Variants in CDH18 observed in about 807,000 individuals in gnomAD.
CDH18 encodes cadherin 18, also known as cadherin-18.
CDH18 carries 31 observed loss-of-function variants against 67.9 expected under a neutral mutation model. That is an observed-to-expected ratio of 0.46 (90% confidence interval 0.34 to 0.62). The LOEUF (loss-of-function observed/expected upper bound fraction) is 0.62. Among genes scored for constraint, CDH18 ranks in the 20% least tolerant of loss-of-function variants. The probability of loss-of-function intolerance (pLI) is 0.01; values close to 1 mark genes in which losing one functional copy is unlikely to be tolerated. For missense variants in CDH18, 890 were observed against 975.5 expected, an observed-to-expected ratio of 0.91 and a Z score of 1.17; for synonymous variants, 362 against 347.2, an observed-to-expected ratio of 1.04 and a Z score of -0.48.
In CDH18 at chr5:19,483,389, C is replaced by A. The variant is rs1489399653; in HGVS notation, c.1794G>T (p.Arg598=). 1 of 1,613,994 alleles carries A rather than the reference C, an allele frequency of 6.2e-7. No homozygotes were observed. Among genetic ancestry groups the A allele is most frequent in the Non-Finnish European group, 8.5e-7 (1 of 1,180,032 alleles). ...ACAGGAAGGCTTCTGCATGGCAGGT[C>A]CGCACACGCCCATCTCTCTCGCATG... The part of the protein sequence containing the change: ...VCACERDGRV[R]TCHAEAFLSS... Residue 598 remains arginine, a synonymous_variant, in exon 12 of 13, where the codon CGG becomes CGT. Coordinates refer to ENST00000382275, the MANE Select transcript of CDH18 (RefSeq NM_004934.5).
At chr5:19,782,564 A>G (rs1469213466) in intron 3 of CDH18, among the ~76,000 whole-genome samples, 2 of 152,198 alleles carry the variant, frequency 1.3e-5, no homozygotes, top group Non-Finnish European at 2.9e-5. Flanking sequence ...CGTATACTTA[A>G]GGAAAAATTA....
chr5:20,349,675 T>C lies in CDH18; in HGVS notation c.-579-94170A>G, dbSNP rs114808203. 6.9e-3 allele frequency among the ~76,000 whole-genome samples: 1,047 copies of C among 152,244 alleles called. 7 individuals are homozygous for C. Among genetic ancestry groups the C allele is most frequent in the Non-Finnish European group, 0.012 (785 of 67,968 alleles). ...CAAGATATAATGTTTTAGCTCCTTA[T>C]CTGTCAGTTTAATGAATGTTATTTT... On this transcript the variant is annotated intron_variant, in intron 1 of 14. Transcript: ENST00000507958.
At chr5:20,324,427 G>C (rs1738350663) in intron 1 of CDH18, among the ~76,000 whole-genome samples, 1 of 152,152 alleles carries the variant, frequency 6.6e-6, no homozygotes, top group South Asian at 2.1e-4. Context: ...TGTAGTCCCA[G>C]CTACTCGGGA....
chr5:20,538,537 T>C (rs994794228), intron 1 of CDH18, among the ~76,000 whole-genome samples: 1 of 152,154 alleles, frequency 6.6e-6, no homozygotes, highest in Non-Finnish European at 1.5e-5. Flanking sequence ...GCTTTGTGGC[T>C]GAAAGGCTAT....
intron 2 of CDH18, among the ~76,000 whole-genome samples, chr5:20,088,610 G>A (rs1268546355): frequency 6.6e-6 from 1 of 152,146 alleles, no homozygotes; most frequent in Non-Finnish European, 1.5e-5. Context: ...CAGGACAAGA[G>A]GAAAAAATCA....
chr5:20,133,599 T>C (rs552807063), intron 2 of CDH18, among the ~76,000 whole-genome samples: 2 of 152,232 alleles, frequency 1.3e-5, no homozygotes, highest in African/African-American at 4.8e-5. Context: ...ACTGTAAATA[T>C]TTCACTCCTT....
chr5:19,647,600 C>A (rs1468195920), intron 5 of CDH18, among the ~76,000 whole-genome samples: 9 of 112,692 alleles, frequency 8.0e-5, no homozygotes, highest in Non-Finnish European at 1.3e-4. Flanking sequence ...GCAACAAGCA[C>A]ATAGAGACAT....
chr5:19,883,179 AT>A (rs1202209010), intron 2 of CDH18, among the ~76,000 whole-genome samples: 1 of 152,142 alleles, frequency 6.6e-6, no homozygotes, highest in Non-Finnish European at 1.5e-5. Context: ...TGAAAACTAC[AT>A]TTTAAATAAG....
intron 11 of CDH18, 131 bp downstream of exon 11, chr5:19,502,861 A>C (rs532357921): frequency 1.8e-5 from 13 of 727,666 alleles, no homozygotes; most frequent in Middle Eastern, 2.3e-4. Context: ...ACAGATCATA[A>C]CACAGTAGCA....
At chr5:20,346,945 C>T (rs1048893613) in intron 1 of CDH18, among the ~76,000 whole-genome samples, 10 of 152,120 alleles carry the variant, frequency 6.6e-5, no homozygotes, top group Non-Finnish European at 1.2e-4. Context: ...TTGATTATCT[C>T]TTAGCAGAAA....
rs546216669 is a variant in CDH18, at chr5:19,964,657, A to G, written c.-257+16403T>C. Among the ~76,000 whole-genome samples the G allele has an allele frequency of 4.0e-4, 61 of 151,450 alleles. No individual in the cohort carries two copies. In the East Asian group the frequency reaches 8.7e-3, roughly 22 times the overall value. On this transcript the variant is annotated intron_variant, in intron 2 of 12. Coordinates refer to ENST00000382275, the MANE Select transcript of CDH18 (RefSeq NM_004934.5). ...GGCAAGGCCCTGTATCAAAAAAAAA[A>G]AAAAGAAAAAAAAAGAAAGAAAAGA...
chr5:20,439,949 TACTC>T (rs1240364253), intron 1 of CDH18, among the ~76,000 whole-genome samples: 1 of 151,876 alleles, frequency 6.6e-6, no homozygotes, highest in Non-Finnish European at 1.5e-5. Flanking sequence ...TTTTCAAAGA[TACTC>T]TATCTATTAG....
intron 1 of CDH18, among the ~76,000 whole-genome samples, chr5:20,289,586 A>T (rs28671710): frequency 0.029 from 4,369 of 152,126 alleles, 225 homozygotes; most frequent in African/African-American, 0.1. Flanking sequence ...CACAGTCAAT[A>T]TCTTTCTTAA....
intron 1 of CDH18, among the ~76,000 whole-genome samples, chr5:20,379,050 T>C (rs1218757911): frequency 6.6e-6 from 1 of 152,124 alleles, no homozygotes. Context: ...TTTATGGACA[T>C]TCACCATTAA....
At chr5:20,245,299 A>C (rs2973192) in intron 2 of CDH18, among the ~76,000 whole-genome samples, 1 of 151,900 alleles carries the variant, frequency 6.6e-6, no homozygotes. Flanking sequence ...GAGGTTCTAA[A>C]TCATTTTTAT....
At chr5:19,813,325 AT>A (rs1778945745) in intron 3 of CDH18, among the ~76,000 whole-genome samples, 1 of 152,130 alleles carries the variant, frequency 6.6e-6, no homozygotes, top group Non-Finnish European at 1.5e-5. Flanking sequence ...GAATAAAACC[AT>A]TGTTTAAAAA....
At chr5:20,231,606 GAAA>G (rs1418858526) in intron 2 of CDH18, among the ~76,000 whole-genome samples, 1 of 136,882 alleles carries the variant, frequency 7.3e-6, no homozygotes. Context: ...ATCTCAAAAA[GAAA>G]AAAAAAGAAA....
At chr5:19,605,270 T>C (rs569202118) in intron 6 of CDH18, among the ~76,000 whole-genome samples, 3 of 151,844 alleles carry the variant, frequency 2.0e-5, no homozygotes, top group Non-Finnish European at 4.4e-5. Flanking sequence ...TATTTATAGC[T>C]GTTACTTTGT....
intron 2 of CDH18, among the ~76,000 whole-genome samples, chr5:20,248,118 T>C (rs1345810488): frequency 6.6e-6 from 1 of 152,212 alleles, no homozygotes; most frequent in Non-Finnish European, 1.5e-5. Flanking sequence ...GTGAATTTTT[T>C]TGAAGTCTCA....
Sources: allele counts gnomAD v4.1 joint callset (sites outside exome capture counted in the v4.1 genomes callset), GRCh38; gene constraint gnomAD v4.1.1; transcripts MANE v1.5; gene names NCBI Gene and HGNC (gene_info 2026-07-23, HGNC 2026-07-21).